Variants in ADCY8 observed in about 807,000 individuals in gnomAD.
The protein encoded by ADCY8 is adenylate cyclase type 8.
In ADCY8, 51 loss-of-function variants were observed where a neutral mutation model predicts 119.7. The ratio of observed to expected loss-of-function variants is 0.43; its 90% CI spans 0.34 to 0.54. ADCY8 has a LOEUF of 0.54. Ranked by LOEUF, ADCY8 falls within the 20% of genes least tolerant of loss-of-function variation. The pLI is 0.03. For missense variants in ADCY8, 1,383 were observed against 1,598.8 expected (o/e 0.87, Z 2.30); for synonymous variants, 665 against 651.0 (o/e 1.02, Z -0.33).
At chr8:130,932,785 A>G (rs1252100074) in intron 5 of ADCY8, among the ~76,000 whole-genome samples, 7 of 152,162 alleles carry the variant, frequency 4.6e-5, no homozygotes, top group Non-Finnish European at 8.8e-5. Context: ...CTGCCAATGC[A>G]CTAACTAGCA....
At chr8:130,849,476 G>A in intron 10 of ADCY8, 126 bp downstream of exon 10, 3 of 951,760 alleles carry the variant, frequency 3.2e-6, no homozygotes, top group South Asian at 3.2e-5. Flanking sequence ...CTAAGCTTGG[G>A]GCTGGACCAG....
chr8:130,840,845 GT>G (rs1378279624), intron 11 of ADCY8, among the ~76,000 whole-genome samples: 11 of 152,122 alleles, frequency 7.2e-5, no homozygotes, highest in African/African-American at 2.7e-4. Context: ...ATGTTAGGTA[GT>G]GAGCAAAGTT....
chr8:130,897,447 G>A (rs1271657668), intron 7 of ADCY8, among the ~76,000 whole-genome samples: 1 of 151,750 alleles, frequency 6.6e-6, no homozygotes, highest in Admixed American at 6.6e-5. Context: ...AAATCAAATT[G>A]TTGTTTGTTT....
At chr8:130,835,165 C>T (rs1476252991) in intron 12 of ADCY8, among the ~76,000 whole-genome samples, 2 of 152,130 alleles carry the variant, frequency 1.3e-5, no homozygotes, top group East Asian at 1.9e-4. Context: ...GCTTCCAATA[C>T]CTGAGACCAA....
At chr8:130,818,562 C>T (rs537981270) in intron 13 of ADCY8, among the ~76,000 whole-genome samples, 1 of 152,324 alleles carries the variant, frequency 6.6e-6, no homozygotes, top group East Asian at 1.9e-4. Context: ...CTCCGTCCCT[C>T]TGGAGATGTT....
chr8:130,921,449 C>CTTTTTTTTTTTTTTTTTTT (rs35570520), intron 5 of ADCY8, among the ~76,000 whole-genome samples: 4 of 107,642 alleles, frequency 3.7e-5, no homozygotes, highest in Non-Finnish European at 3.9e-5. Flanking sequence ...TTTTTCTTTT[C>CTTTTTTTTTTTTTTTTTTT]TTTTTTTTTT....
At chr8:130,809,885 A>G (rs944830556) in intron 14 of ADCY8, among the ~76,000 whole-genome samples, 10 of 152,246 alleles carry the variant, frequency 6.6e-5, no homozygotes, top group Admixed American at 3.9e-4. Flanking sequence ...GACATACACA[A>G]AAGTTACAAC....
chr8:130,926,137 C>T (rs769976224), intron 5 of ADCY8, among the ~76,000 whole-genome samples: 1 of 152,206 alleles, frequency 6.6e-6, no homozygotes, highest in Non-Finnish European at 1.5e-5. Context: ...GCTTAACACA[C>T]ACACATGCAC....
chr8:130,872,655 A>G (rs774085287), intron 8 of ADCY8, among the ~76,000 whole-genome samples: 1 of 152,236 alleles, frequency 6.6e-6, no homozygotes, highest in Non-Finnish European at 1.5e-5. Context: ...TATTTTCCTG[A>G]TTGATGAATG....
chr8:131,020,057 G>A (rs1404836230), intron 1 of ADCY8, among the ~76,000 whole-genome samples: 1 of 152,066 alleles, frequency 6.6e-6, no homozygotes, highest in African/African-American at 2.4e-5. Flanking sequence ...GATGGCATAG[G>A]TCTTTCAAAG....
In ADCY8 at chr8:131,024,054, C is replaced by T. The variant is rs931362141; in HGVS notation, c.960+15320G>A. On this transcript the variant is annotated intron_variant, in intron 1 of 17. Transcript: ENST00000286355. The stretch of plus-strand genomic sequence containing the variant: ...CTATTTTTGTCCATGAGTGGACATC[C>T]TCTCATCCTGCAGTGTAGTTCTTGT... Among the ~76,000 whole-genome samples, 6 of 152,164 alleles carry T rather than the reference C, an allele frequency of 3.9e-5. 1 individual carries two copies. The highest frequency in any genetic ancestry group is 3.3e-4 in the Admixed American group (5 of 15,256).
At chr8:130,788,892 T>C (rs1815339453) in intron 15 of ADCY8, among the ~76,000 whole-genome samples, 1 of 152,088 alleles carries the variant, frequency 6.6e-6, no homozygotes, top group Non-Finnish European at 1.5e-5. Flanking sequence ...CTCAAACAAA[T>C]TACACTAAGT....
At chr8:130,983,481 G>T (rs1248123146) in intron 2 of ADCY8, among the ~76,000 whole-genome samples, 1 of 152,178 alleles carries the variant, frequency 6.6e-6, no homozygotes, top group Admixed American at 6.5e-5. Flanking sequence ...AGCAGAGAGG[G>T]AGGGAGACAG....
intron 6 of ADCY8, among the ~76,000 whole-genome samples, chr8:130,905,915 G>T (rs568258677): frequency 5.9e-5 from 9 of 152,206 alleles, no homozygotes; most frequent in Admixed American, 5.9e-4. Flanking sequence ...TTTAGTATTA[G>T]CTCTGCTACT....
chr8:130,864,804 TAA>T (rs1203259783), intron 9 of ADCY8, among the ~76,000 whole-genome samples: 2 of 152,210 alleles, frequency 1.3e-5, no homozygotes, highest in African/African-American at 2.4e-5. Context: ...AATATATTAA[TAA>T]GTTATTAAAA....
chr8:130,871,507 A>G (rs1003857419), intron 8 of ADCY8, among the ~76,000 whole-genome samples: 1 of 152,226 alleles, frequency 6.6e-6, no homozygotes, highest in East Asian at 1.9e-4. Context: ...GGTAATATAT[A>G]TAAGATGCTT....
intron 1 of ADCY8, among the ~76,000 whole-genome samples, chr8:130,993,732 C>T (rs549307827): frequency 1.6e-4 from 24 of 152,272 alleles, no homozygotes; most frequent in African/African-American, 5.5e-4. Flanking sequence ...TGTGAGGCCT[C>T]CCCAGCCACG....
At chr8:130,954,335 A>G (rs1821360793) in intron 2 of ADCY8, among the ~76,000 whole-genome samples, 1 of 152,018 alleles carries the variant, frequency 6.6e-6, no homozygotes, top group Admixed American at 6.5e-5. Context: ...AGACACAAGA[A>G]AGCTATTCAT....
chr8:130,878,669 C>A (rs1043914962), intron 8 of ADCY8, among the ~76,000 whole-genome samples: 1 of 152,094 alleles, frequency 6.6e-6, no homozygotes, highest in Non-Finnish European at 1.5e-5. Flanking sequence ...TGGGATGGTA[C>A]CTGCATTTCA....
Sources: allele counts gnomAD v4.1 joint callset (sites outside exome capture counted in the v4.1 genomes callset), GRCh38; gene constraint gnomAD v4.1.1; transcripts MANE v1.5; gene names NCBI Gene and HGNC (gene_info 2026-07-23, HGNC 2026-07-21).